RANBP2: variants seen among roughly 807,000 people sequenced by gnomAD.
The protein encoded by RANBP2 is RAN binding protein 2.
In RANBP2, 57 loss-of-function variants were observed where a neutral mutation model predicts 303.6. That is an observed-to-expected ratio of 0.19 (90% CI 0.15 to 0.23). RANBP2 has a LOEUF of 0.23. Ranked by LOEUF, RANBP2 falls within the 10% of genes least tolerant of loss-of-function variation. The probability of loss-of-function intolerance (pLI) is 1.00; values close to 1 mark genes in which losing one functional copy is unlikely to be tolerated. For synonymous variants in RANBP2, 1,167 were observed against 1,301.5 expected (o/e 0.90, Z 2.23); for missense variants, 3,138 against 3,780.8 (o/e 0.83, Z 4.46).
At chr2:108,893,020 G>A in the RANBP2 span, among the ~76,000 whole-genome samples, 1 of 152,202 alleles carries the variant, frequency 6.6e-6, no homozygotes, top group Non-Finnish European at 1.5e-5. Flanking sequence ...CTCTGGGAAA[G>A]TTGAGACCCA....
the RANBP2 span, among the ~76,000 whole-genome samples, chr2:109,224,455 A>G: frequency 6.6e-6 from 1 of 152,206 alleles, no homozygotes; most frequent in Non-Finnish European, 1.5e-5. Context: ...TGTGCATAGC[A>G]GCAGTGATGG....
chr2:109,732,540 GTA>G, the RANBP2 span, among the ~76,000 whole-genome samples: 2 of 150,410 alleles, frequency 1.3e-5, no homozygotes, highest in African/African-American at 2.5e-5. Context: ...GTGCAATGGT[GTA>G]GTCTCGGCTT....
At chr2:109,565,784 A>C in the RANBP2 span, 3 of 1,613,906 alleles carry the variant, frequency 1.9e-6, no homozygotes, top group African/African-American at 4.0e-5. Flanking sequence ...CCCCAAGGGT[A>C]CTGGCGAGCT....
the RANBP2 span, among the ~76,000 whole-genome samples, chr2:108,986,829 C>T: frequency 1.3e-5 from 2 of 152,140 alleles, no homozygotes; most frequent in African/African-American, 2.4e-5. Flanking sequence ...AGGACAGAAT[C>T]GTAGGCATTG....
the RANBP2 span, among the ~76,000 whole-genome samples, chr2:109,332,019 G>A: frequency 8.4e-3 from 1,275 of 152,298 alleles, 14 homozygotes; most frequent in East Asian, 0.044. Flanking sequence ...TGGGAGCAGC[G>A]GTTACCGGAA....
the RANBP2 span, among the ~76,000 whole-genome samples, chr2:109,054,320 G>T: frequency 2.0e-5 from 3 of 152,238 alleles, no homozygotes; most frequent in South Asian, 6.2e-4. Flanking sequence ...GGCATCCTGG[G>T]CTCCTATACA....
At chr2:109,667,545 A>G in the RANBP2 span, among the ~76,000 whole-genome samples, 1 of 152,154 alleles carries the variant, frequency 6.6e-6, no homozygotes, top group Non-Finnish European at 1.5e-5. Flanking sequence ...TTAGTGGCAC[A>G]CAGAGCCCAT....
the RANBP2 span, chr2:109,613,630 C>A: frequency 7.6e-6 from 3 of 396,078 alleles, no homozygotes; most frequent in South Asian, 3.7e-4. Flanking sequence ...TCCTCTCCCG[C>A]CCCAGGCGCC....
At chr2:108,903,999 C>G in the RANBP2 span, among the ~76,000 whole-genome samples, 1 of 152,016 alleles carries the variant, frequency 6.6e-6, no homozygotes, top group Non-Finnish European at 1.5e-5. Context: ...ATGAAAGACC[C>G]TGTTAAGAGA....
At chr2:109,374,596 C>T in the RANBP2 span, among the ~76,000 whole-genome samples, 1 of 152,210 alleles carries the variant, frequency 6.6e-6, no homozygotes, top group Non-Finnish European at 1.5e-5. Context: ...TCTTGGGCTA[C>T]TGCACAGGCA....
At chr2:109,518,720 G>T in the RANBP2 span, among the ~76,000 whole-genome samples, 2 of 152,182 alleles carry the variant, frequency 1.3e-5, no homozygotes, top group East Asian at 3.9e-4. Flanking sequence ...TTCTTGCACT[G>T]CTGTAAAGAA....
At chr2:109,002,714 G>A in the RANBP2 span, among the ~76,000 whole-genome samples, 3 of 152,126 alleles carry the variant, frequency 2.0e-5, no homozygotes, top group African/African-American at 7.2e-5. Context: ...CTGCCATTGG[G>A]GTTTTGGGTG....
the RANBP2 span, among the ~76,000 whole-genome samples, chr2:109,355,869 G>C: frequency 1.3e-5 from 2 of 152,270 alleles, no homozygotes; most frequent in African/African-American, 2.4e-5. Context: ...CTCCTTCCTT[G>C]TCCTTCTGAA....
chr2:109,115,366 T>A, the RANBP2 span, among the ~76,000 whole-genome samples: 1 of 152,218 alleles, frequency 6.6e-6, no homozygotes, highest in Admixed American at 6.5e-5. Context: ...GTTGAATTGA[T>A]CCCTTTACCA....
At chr2:108,774,309 T>C (rs2149306288) in intron 23 of RANBP2, among the ~76,000 whole-genome samples, 1 of 152,292 alleles carries the variant, frequency 6.6e-6, no homozygotes, top group African/African-American at 2.4e-5. Context: ...GTAAGAGTAA[T>C]GCTGGTTGGG....
the RANBP2 span, among the ~76,000 whole-genome samples, chr2:109,227,598 G>T: frequency 6.6e-6 from 1 of 152,204 alleles, no homozygotes; most frequent in Non-Finnish European, 1.5e-5. Context: ...GGGATTGTCT[G>T]TGTGTGGGAG....
the RANBP2 span, among the ~76,000 whole-genome samples, chr2:109,674,520 C>T: frequency 6.6e-6 from 1 of 151,442 alleles, no homozygotes. Context: ...GGTTGTGAGG[C>T]TGTAGTGAGC....
At chr2:109,560,536 A>T in the RANBP2 span, among the ~76,000 whole-genome samples, 21 of 152,172 alleles carry the variant, frequency 1.4e-4, no homozygotes, top group African/African-American at 4.6e-4. Flanking sequence ...CACACATAGA[A>T]TTAATCATTT....
the RANBP2 span, among the ~76,000 whole-genome samples, chr2:108,926,030 G>GT: frequency 6.6e-6 from 1 of 152,164 alleles, no homozygotes. Flanking sequence ...TTTCTAGCAC[G>GT]TATTGCTGCA....
Sources: allele counts gnomAD v4.1 joint callset (sites outside exome capture counted in the v4.1 genomes callset), GRCh38; gene constraint gnomAD v4.1.1; transcripts MANE v1.5; gene names NCBI Gene and HGNC (gene_info 2026-07-23, HGNC 2026-07-21).